EDIL3: variants seen among roughly 807,000 people sequenced by gnomAD.
EDIL3 encodes EGF like and discoidin domains 3, also known as EGF-like repeat and discoidin I-like domain-containing protein 3.
In EDIL3, 37 loss-of-function variants were observed where a neutral mutation model predicts 67.4. The observed-to-expected ratio is 0.55, with a 90% CI of 0.42 to 0.72. The LOEUF is 0.72. EDIL3 is among the 30% of genes least tolerant of loss of function. EDIL3 has a pLI of 0.00. For synonymous variants in EDIL3, 195 were observed against 196.3 expected (o/e 0.99, Z 0.05); for missense variants, 527 against 586.3 (o/e 0.90, Z 1.04).
intron 1 of EDIL3, among the ~76,000 whole-genome samples, chr5:84,346,254 CT>C (rs1435074745): frequency 5.9e-5 from 9 of 151,468 alleles, no homozygotes; most frequent in Non-Finnish European, 1.3e-4. Flanking sequence ...AGCGATTCCC[CT>C]GCCTCAGCCT....
intron 6 of EDIL3, among the ~76,000 whole-genome samples, chr5:84,073,391 A>G (rs1323036833): frequency 1.3e-5 from 2 of 152,174 alleles, no homozygotes; most frequent in African/African-American, 2.4e-5. Context: ...CAATTAGGAA[A>G]AGAGGAAGTC....
rs1746644440 is a variant in EDIL3, at chr5:84,066,520, G to A, written c.738C>T (p.Tyr246=). Residue 246 remains tyrosine, a synonymous_variant, in exon 7 of 11, where the codon TAC becomes TAT. Coordinates refer to ENST00000296591, the MANE Select transcript of EDIL3 (RefSeq NM_005711.5). ...TTCCATCATTACTGTAGGCAATTTT[G>A]TAGGATTTTATATACTCTGGGCTTC... ...RIGSPEYIKS[Y]KIAYSNDGKT... 6.2e-7 allele frequency: 1 copy of A among 1,613,402 alleles called. No individual in the cohort carries two copies. The highest frequency in any genetic ancestry group is 8.5e-7 in the Non-Finnish European group (1 of 1,179,768).
At chr5:84,301,515 G>A (rs909387348) in intron 1 of EDIL3, among the ~76,000 whole-genome samples, 7 of 152,050 alleles carry the variant, frequency 4.6e-5, no homozygotes, top group African/African-American at 9.7e-5. Flanking sequence ...TATCATGGGC[G>A]AAATACAGAA....
chr5:84,174,724 G>A (rs968493238), intron 4 of EDIL3, among the ~76,000 whole-genome samples: 1 of 152,146 alleles, frequency 6.6e-6, no homozygotes, highest in African/African-American at 2.4e-5. Flanking sequence ...TTGGGTCTAT[G>A]GAGAGCTGCT....
At chr5:84,157,832 T>C (rs1748520584) in intron 4 of EDIL3, among the ~76,000 whole-genome samples, 1 of 151,996 alleles carries the variant, frequency 6.6e-6, no homozygotes. Context: ...AAAAATAACG[T>C]AACGCTAAAT....
Position 84,067,572 on chromosome 5 carries a change from G to C in EDIL3, c.652-966C>G, listed in dbSNP as rs563508958. ...TAAATATGTCATACCATAATATTAA[G>C]TTAATGATTCAGATATTATTTTCCA... On this transcript the variant is annotated intron_variant, in intron 6 of 10. Transcript: ENST00000296591. Among the ~76,000 whole-genome samples the C allele has an allele frequency of 1.1e-4, 16 of 152,270 alleles. No individual in the cohort carries two copies. In the South Asian group the frequency reaches 2.5e-3, roughly 24 times the overall value.
intron 9 of EDIL3, among the ~76,000 whole-genome samples, chr5:84,039,898 G>T (rs1213519896): frequency 6.6e-6 from 1 of 151,832 alleles, no homozygotes; most frequent in Non-Finnish European, 1.5e-5. Flanking sequence ...TTTTTATCTG[G>T]TAGTCTTAAA....
At chr5:84,036,058 G>T (rs993623372) in intron 9 of EDIL3, among the ~76,000 whole-genome samples, 2 of 152,158 alleles carry the variant, frequency 1.3e-5, no homozygotes, top group Admixed American at 6.5e-5. Flanking sequence ...TGCAAGTTTG[G>T]TTAAAAATCT....
chr5:84,117,834 C>G (rs1221825512), intron 5 of EDIL3, among the ~76,000 whole-genome samples: 1 of 151,880 alleles, frequency 6.6e-6, no homozygotes, highest in Non-Finnish European at 1.5e-5. Context: ...GAACCAGGAA[C>G]TAGGTAGGGA....
intron 1 of EDIL3, among the ~76,000 whole-genome samples, chr5:84,333,857 G>C (rs574560943): frequency 1.3e-5 from 2 of 152,164 alleles, no homozygotes; most frequent in East Asian, 3.9e-4. Flanking sequence ...TGACAGAATA[G>C]AGAAAAATCA....
intron 5 of EDIL3, among the ~76,000 whole-genome samples, chr5:84,124,324 T>C (rs1003157365): frequency 3.3e-5 from 5 of 152,006 alleles, no homozygotes; most frequent in African/African-American, 1.2e-4. Context: ...ATGTTACATG[T>C]GTCGATTTAA....
intron 1 of EDIL3, among the ~76,000 whole-genome samples, chr5:84,302,950 T>C (rs1011244841): frequency 1.4e-5 from 2 of 147,198 alleles, no homozygotes; most frequent in African/African-American, 5.0e-5. Flanking sequence ...AGTTCAGAAG[T>C]TCCTAATTGA....
chr5:84,007,427 A>G (rs1047057523), intron 9 of EDIL3, among the ~76,000 whole-genome samples: 18 of 152,194 alleles, frequency 1.2e-4, no homozygotes, highest in African/African-American at 2.2e-4. Flanking sequence ...ACTCAGTAGG[A>G]AAAAAACCTA....
In EDIL3 at chr5:84,037,210, C is replaced by T. The variant is rs115261959; in HGVS notation, c.1137+23090G>A. Among the ~76,000 whole-genome samples the T allele has an allele frequency of 5.8e-3, 878 of 152,244 alleles. 12 individuals carry two copies. Among genetic ancestry groups the T allele is most frequent in the African/African-American group, 0.02 (844 of 41,548 alleles). On this transcript the variant is annotated intron_variant, in intron 9 of 10. Transcript: ENST00000296591. ...CTCATTATCTTGGGCTGGGATATTC[C>T]CTTCTTTCTCCCTACTCAGCTACTA... is the stretch of plus-strand genomic sequence containing the variant.
chr5:84,200,965 C>A (rs1041721067), intron 3 of EDIL3, among the ~76,000 whole-genome samples: 16 of 151,904 alleles, frequency 1.1e-4, no homozygotes, highest in Non-Finnish European at 1.6e-4. Flanking sequence ...ATTTTCATAG[C>A]AATGTAACTA....
At chr5:84,210,567 C>T (rs1329608761) in intron 3 of EDIL3, among the ~76,000 whole-genome samples, 4 of 151,710 alleles carry the variant, frequency 2.6e-5, no homozygotes, top group Admixed American at 2.6e-4. Context: ...TTTTCTCTCT[C>T]CAGAATTAAA....
At chr5:84,126,227 T>C (rs1279952615) in intron 5 of EDIL3, among the ~76,000 whole-genome samples, 1 of 152,088 alleles carries the variant, frequency 6.6e-6, no homozygotes, top group Non-Finnish European at 1.5e-5. Context: ...AGGCCAGGAC[T>C]GGACATTCAA....
chr5:84,260,648 T>C (rs922389891), intron 1 of EDIL3, among the ~76,000 whole-genome samples: 1 of 152,228 alleles, frequency 6.6e-6, no homozygotes, highest in Non-Finnish European at 1.5e-5. Flanking sequence ...CATAGTACTG[T>C]TAATGTATTT....
chr5:84,246,607 T>C (rs915399023), intron 2 of EDIL3, among the ~76,000 whole-genome samples: 5 of 152,224 alleles, frequency 3.3e-5, no homozygotes, highest in Non-Finnish European at 5.9e-5. Context: ...TTAAATGACA[T>C]ACATCAATTT....
Sources: allele counts gnomAD v4.1 joint callset (sites outside exome capture counted in the v4.1 genomes callset), GRCh38; gene constraint gnomAD v4.1.1; transcripts MANE v1.5; gene names NCBI Gene and HGNC (gene_info 2026-07-23, HGNC 2026-07-21).